Variants in CFAP20DC observed in about 807,000 individuals in gnomAD.
CFAP20DC encodes CFAP20 domain containing.
In CFAP20DC, 84 loss-of-function variants were observed where a neutral mutation model predicts 101.7. The observed-to-expected ratio is 0.83, with a 90% confidence interval of 0.69 to 0.99. The LOEUF is 0.99. Among genes scored for constraint, CFAP20DC ranks in the 50% least tolerant of loss-of-function variants. CFAP20DC has a pLI of 0.00. For missense variants in CFAP20DC, 1,007 were observed against 970.3 expected (o/e 1.04, Z -0.50); for synonymous variants, 359 against 351.2 (o/e 1.02, Z -0.25).
Position 58,811,690 on chromosome 3 carries a change from C to A in CFAP20DC, c.2176-5234G>T, listed in dbSNP as rs186012699. Among the ~76,000 whole-genome samples the A allele has an allele frequency of 2.4e-4, 37 of 152,148 alleles. 1 individual carries two copies. The highest frequency in any genetic ancestry group is 1.7e-3 in the Admixed American group (26 of 15,264). ...ACACCAAAGTCAATGGCAACAAAAG[C>A]CAAAATTGACAAATGGGATCTAATT... On this transcript the variant is annotated intron_variant, in intron 14 of 16. Coordinates refer to ENST00000482387, the MANE Select transcript of CFAP20DC (RefSeq NM_001394063.1).
chr3:59,045,392 A>G (rs899336397), intron 3 of CFAP20DC, among the ~76,000 whole-genome samples: 6 of 152,170 alleles, frequency 3.9e-5, no homozygotes, highest in Admixed American at 3.9e-4. Context: ...ATGTAAAAAA[A>G]AAACTTTATA....
chr3:58,738,352 C>A (rs1030315438), downstream of CFAP20DC, among the ~76,000 whole-genome samples: 14 of 152,112 alleles, frequency 9.2e-5, no homozygotes, highest in Non-Finnish European at 1.5e-4. This position sits in a 1 kb window ranked among gnomAD's most constrained non-coding sequence, Gnocchi z 4.4. Flanking sequence ...TCACCCCACC[C>A]CCAACAGGCC....
chr3:58,903,317 T>G (rs959128199), intron 6 of CFAP20DC, among the ~76,000 whole-genome samples: 7 of 152,198 alleles, frequency 4.6e-5, no homozygotes, highest in Non-Finnish European at 1.0e-4. Flanking sequence ...TTTTAGTTAA[T>G]TTTTGTATAC....
chr3:58,753,815 C>A lies in CFAP20DC; in HGVS notation c.2286G>T (p.Gln762His). 10 of 1,612,926 alleles carry A rather than the reference C, an allele frequency of 6.2e-6. No individual in the cohort carries two copies. Among genetic ancestry groups the A allele is most frequent in the Non-Finnish European group, 7.6e-6 (9 of 1,179,414 alleles). Residue 762 changes from glutamine to histidine, a missense_variant, in exon 16 of 17, where the codon CAG (glutamine) becomes CAT (histidine). By Grantham distance (24) the Gln-to-His change is conservative. Transcript: ENST00000482387. ...LSPPIVPPSQ[Q>H]PAEQRPDSCE... is the part of the protein sequence containing the mutation. ...AGGAATCTGGACGCTGCTCAGCCGG[C>A]TGTTGACTGGGAGGAACGATTGGTG...
intron 4 of CFAP20DC, among the ~76,000 whole-genome samples, chr3:58,970,932 T>C (rs2091911762): frequency 6.6e-6 from 1 of 152,182 alleles, no homozygotes; most frequent in Non-Finnish European, 1.5e-5. Flanking sequence ...AAGTTACTGT[T>C]TGGGTGTTAA....
In CFAP20DC at chr3:58,937,700, G is replaced by A; in HGVS notation, c.341C>T (p.Ser114Phe). 6.2e-7 allele frequency: 1 copy of A among 1,612,940 alleles called. No individual in the cohort carries two copies. The highest frequency in any genetic ancestry group is 8.5e-7 in the Non-Finnish European group (1 of 1,179,020). Residue 114 changes from serine (S) to phenylalanine (F), a missense_variant, in exon 5 of 17, where the codon TCC becomes TTC. By Grantham distance (155) the Ser-to-Phe change is radical. Coordinates refer to ENST00000482387, the MANE Select transcript of CFAP20DC (RefSeq NM_001394063.1). ...LYLSTVHKEL[S>F]STPLHAKIPL... The stretch of plus-strand genomic sequence containing the variant: ...AATTTTTGCATGAAGAGGGGTGGAG[G>A]ATAGTTCCTTATGGACCGTTGATAA...
chr3:59,047,531 G>C (rs1180528226), intron 1 of CFAP20DC, among the ~76,000 whole-genome samples: 1 of 152,100 alleles, frequency 6.6e-6, no homozygotes, highest in Non-Finnish European at 1.5e-5. Context: ...CTCAGTGGGG[G>C]ACTCGTTTAC....
chr3:58,778,723 T>C (rs1485133069), intron 15 of CFAP20DC, among the ~76,000 whole-genome samples: 1 of 152,322 alleles, frequency 6.6e-6, no homozygotes, highest in Middle Eastern at 3.4e-3. Flanking sequence ...AATACAGGCA[T>C]GGTCAGCCCA....
intron 4 of CFAP20DC, among the ~76,000 whole-genome samples, chr3:58,957,013 G>C (rs534988838): frequency 6.6e-6 from 1 of 152,208 alleles, no homozygotes; most frequent in African/African-American, 2.4e-5. Flanking sequence ...GAAGAGATTT[G>C]GGTGGGGACA....
Position 58,799,731 on chromosome 3 carries a change from G to GTC in CFAP20DC, c.2237+6662_2237+6663dup, listed in dbSNP as rs879824721. On this transcript the variant is annotated intron_variant, in intron 15 of 16. Coordinates refer to ENST00000482387, the MANE Select transcript of CFAP20DC (RefSeq NM_001394063.1). The surrounding 1 kb of genome is among the most constrained non-coding windows in gnomAD (Gnocchi z 4.9). ...GCAGTGTGTGTGTGTCTGTGTGTGT[G>GTC]TCTGTGTGTGTGTGTGTGTGTGTGT... 7.8e-6 allele frequency among the ~76,000 whole-genome samples: 1 copy of GTC among 128,240 alleles called. No homozygotes were observed. The highest frequency in any genetic ancestry group is 1.6e-5 in the Non-Finnish European group (1 of 61,758). 84.1% of individuals were successfully genotyped at this position (128,240 alleles called of 152,430 possible).
intron 14 of CFAP20DC, among the ~76,000 whole-genome samples, chr3:58,822,332 C>CAAAT (rs1266836844): frequency 1.5e-5 from 2 of 137,698 alleles, no homozygotes; most frequent in Non-Finnish European, 3.1e-5. Flanking sequence ...AACAAACAAA[C>CAAAT]AAACAAAAAA....
chr3:58,946,293 T>C (rs2089351642), intron 4 of CFAP20DC, among the ~76,000 whole-genome samples: 1 of 151,798 alleles, frequency 6.6e-6, no homozygotes, highest in East Asian at 2.0e-4. Context: ...ATTTTTTGTA[T>C]TTTTAGTAGA....
intron 14 of CFAP20DC, among the ~76,000 whole-genome samples, chr3:58,822,305 T>TATA (rs2075720770): frequency 9.9e-5 from 6 of 60,446 alleles, no homozygotes; most frequent in African/African-American, 4.1e-4. Context: ...TAAAAAAAAA[T>TATA]CATGAAAAAA....
chr3:59,048,754 T>A (rs1288107602), intron 1 of CFAP20DC, among the ~76,000 whole-genome samples: 1 of 151,948 alleles, frequency 6.6e-6, no homozygotes, highest in East Asian at 1.9e-4. Context: ...AGAGAACTGA[T>A]TAGATACAGT....
intron 13 of CFAP20DC, among the ~76,000 whole-genome samples, chr3:58,843,471 T>C (rs2077335719): frequency 6.6e-6 from 1 of 150,902 alleles, no homozygotes; most frequent in South Asian, 2.1e-4. Context: ...GAAAAAAGAA[T>C]AAAAAGAAAT....
chr3:58,947,507 TAC>T (rs755711261), intron 4 of CFAP20DC, among the ~76,000 whole-genome samples: 5 of 152,312 alleles, frequency 3.3e-5, no homozygotes, highest in Non-Finnish European at 5.9e-5. Context: ...TCGGAGAACT[TAC>T]CCATTAAATC....
chr3:58,805,866 A>T (rs2074018420), intron 15 of CFAP20DC, among the ~76,000 whole-genome samples: 1 of 152,246 alleles, frequency 6.6e-6, no homozygotes, highest in African/African-American at 2.4e-5. Flanking sequence ...CATTTTTGAA[A>T]TAAAATAATT....
At chr3:58,997,287 T>C (rs929821780) in intron 4 of CFAP20DC, among the ~76,000 whole-genome samples, 2 of 152,234 alleles carry the variant, frequency 1.3e-5, no homozygotes, top group African/African-American at 4.8e-5. Context: ...AATATTATTA[T>C]CTCTACCCTA....
intron 3 of CFAP20DC, among the ~76,000 whole-genome samples, chr3:58,730,491 G>C (rs554900432): frequency 1.3e-5 from 2 of 152,298 alleles, no homozygotes; most frequent in African/African-American, 4.8e-5. Context: ...TAAAGGCCGG[G>C]GGGTGGAGGA....
Sources: gnomAD v4.1 joint callset for allele counts (sites outside exome capture counted in the v4.1 genomes callset) on GRCh38, gnomAD v4.1.1 for gene constraint, Gnocchi (gnomAD v3.1) non-coding constraint, MANE v1.5 for transcripts, NCBI Gene and HGNC (gene_info 2026-07-23, HGNC 2026-07-21) for gene names.